SDK1: variants seen among roughly 807,000 people sequenced by gnomAD.
SDK1 encodes the protein protein sidekick-1.
A neutral mutation model predicts 245.5 loss-of-function variants in SDK1; 157 were observed. The ratio of observed to expected loss-of-function variants is 0.64; its 90% CI spans 0.56 to 0.73. The LOEUF (loss-of-function observed/expected upper bound fraction) is 0.73, where lower values mean the gene tolerates loss of function less well. SDK1 is among the 30% of genes least tolerant of loss of function. The pLI, the probability that SDK1 is intolerant of heterozygous loss-of-function variation, is 0.00. For missense variants in SDK1, 3,583 were observed against 3,002.3 expected, an observed-to-expected ratio of 1.19 and a Z score of -4.52; for synonymous variants, 1,647 against 1,278.5, an observed-to-expected ratio of 1.29 and a Z score of -6.15.
chr7:3,762,823 A>T (rs1171575153), intron 4 of SDK1, among the ~76,000 whole-genome samples: 1 of 152,254 alleles, frequency 6.6e-6, no homozygotes, highest in Non-Finnish European at 1.5e-5. Context: ...TTGTTTCCGT[A>T]GTATGACAGT....
At chr7:4,206,045 G>C (rs375199711) in intron 36 of SDK1, 51 bp downstream of exon 36, 1 of 1,210,416 alleles carries the variant, frequency 8.3e-7, no homozygotes, top group South Asian at 1.5e-5. Context: ...GGCACCCCTC[G>C]TTCACGTGGT....
chr7:3,427,190 G>T (rs1779702504), intron 1 of SDK1, among the ~76,000 whole-genome samples: 1 of 152,072 alleles, frequency 6.6e-6, no homozygotes, highest in Non-Finnish European at 1.5e-5. Context: ...AATATGTATG[G>T]AAATGAAAAA....
intron 1 of SDK1, among the ~76,000 whole-genome samples, chr7:3,399,232 G>C (rs1291567496): frequency 6.6e-6 from 1 of 151,694 alleles, no homozygotes; most frequent in African/African-American, 2.4e-5. Context: ...ATTTTTGTCA[G>C]CTGTGGACTC....
chr7:3,442,255 A>C (rs769324542), intron 1 of SDK1, among the ~76,000 whole-genome samples: 6 of 152,230 alleles, frequency 3.9e-5, no homozygotes, highest in Non-Finnish European at 7.3e-5. Flanking sequence ...ATAGCCTTTC[A>C]TGTTAAAGCT....
chr7:3,792,576 C>A (rs1462220745), intron 4 of SDK1, among the ~76,000 whole-genome samples: 2 of 152,050 alleles, frequency 1.3e-5, no homozygotes, highest in Non-Finnish European at 2.9e-5. Flanking sequence ...CCACTGCCAT[C>A]AGGTGCCTGA....
At chr7:3,657,726 C>T (rs942593647) in intron 4 of SDK1, among the ~76,000 whole-genome samples, 16 of 152,166 alleles carry the variant, frequency 1.1e-4, no homozygotes, top group African/African-American at 3.6e-4. Flanking sequence ...GCAGCCTATG[C>T]AGATGATGTG....
intron 1 of SDK1, among the ~76,000 whole-genome samples, chr7:3,303,108 A>T (rs941444199): frequency 2.0e-5 from 3 of 152,156 alleles, no homozygotes; most frequent in African/African-American, 7.2e-5. Flanking sequence ...GTTTTACTAC[A>T]TGAAAACAAA....
chr7:3,898,097 G>C (rs1781664978), intron 5 of SDK1, among the ~76,000 whole-genome samples: 1 of 152,324 alleles, frequency 6.6e-6, no homozygotes, highest in South Asian at 2.1e-4. Context: ...TCCAGGGGCA[G>C]AGAGAAGATG....
intron 14 of SDK1, among the ~76,000 whole-genome samples, chr7:3,989,914 G>C (rs1022412274): frequency 6.6e-6 from 1 of 152,214 alleles, no homozygotes; most frequent in African/African-American, 2.4e-5. Context: ...GTAAGTCACT[G>C]TCAACTGCCC....
intron 5 of SDK1, among the ~76,000 whole-genome samples, chr7:3,824,931 G>C (rs1779733931): frequency 6.6e-6 from 1 of 152,098 alleles, no homozygotes; most frequent in Non-Finnish European, 1.5e-5. Context: ...AGCATGTTCT[G>C]AACCGATATT....
At chr7:3,433,205 G>C (rs1010589262) in intron 1 of SDK1, among the ~76,000 whole-genome samples, 4 of 152,058 alleles carry the variant, frequency 2.6e-5, no homozygotes, top group Admixed American at 2.0e-4. Context: ...GCCTGGCTTC[G>C]TCCACATTAT....
intron 2 of SDK1, among the ~76,000 whole-genome samples, chr7:3,638,796 T>C (rs13227634): frequency 0.61 from 91,511 of 150,376 alleles, 28,018 homozygotes; most frequent in South Asian, 0.77. Context: ...ATAATAAAAT[T>C]TAAAAAAAAA....
chr7:4,064,642 C>G (rs1779753904), intron 19 of SDK1, among the ~76,000 whole-genome samples: 1 of 152,096 alleles, frequency 6.6e-6, no homozygotes, highest in Admixed American at 6.5e-5. Flanking sequence ...TCACAGTAGC[C>G]AAGATACGGA....
chr7:4,200,145 C>T (rs146880298), intron 35 of SDK1, among the ~76,000 whole-genome samples: 1 of 152,270 alleles, frequency 6.6e-6, no homozygotes, highest in Non-Finnish European at 1.5e-5. Context: ...CCTCTGCGTA[C>T]CTGTAGTGCC....
chr7:3,787,183 C>CAA (rs1780929539), intron 4 of SDK1, among the ~76,000 whole-genome samples: 1 of 151,724 alleles, frequency 6.6e-6, no homozygotes, highest in Non-Finnish European at 1.5e-5. Flanking sequence ...CACACACACA[C>CAA]ACACTCCCAT....
At chr7:3,307,014 G>T (rs936499707) in intron 1 of SDK1, among the ~76,000 whole-genome samples, 1 of 152,156 alleles carries the variant, frequency 6.6e-6, no homozygotes, top group Admixed American at 6.5e-5. Flanking sequence ...TCAAGGTGGG[G>T]AATGAAAATC....
At chr7:3,705,320 G>C (rs1284506244) in intron 4 of SDK1, among the ~76,000 whole-genome samples, 1 of 151,886 alleles carries the variant, frequency 6.6e-6, no homozygotes. Context: ...CAATCCATGA[G>C]CATGGGATGT....
At chr7:4,229,391 C>T (rs1017481274) in intron 40 of SDK1, among the ~76,000 whole-genome samples, 3 of 152,098 alleles carry the variant, frequency 2.0e-5, no homozygotes, top group African/African-American at 4.8e-5. Context: ...GAAATTATCT[C>T]GGTATGACAT....
chr7:4,173,536 C>T (rs968718983), intron 32 of SDK1, among the ~76,000 whole-genome samples: 2 of 152,246 alleles, frequency 1.3e-5, no homozygotes, highest in African/African-American at 4.8e-5. Context: ...CCTGTGCTCC[C>T]TATTCCATGG....
Sources: allele counts gnomAD v4.1 joint callset (sites outside exome capture counted in the v4.1 genomes callset), GRCh38; gene constraint gnomAD v4.1.1; transcripts MANE v1.5; gene names NCBI Gene and HGNC (gene_info 2026-07-23, HGNC 2026-07-21).